DLG2: variants seen among roughly 807,000 people sequenced by gnomAD.
DLG2 encodes the protein discs large MAGUK scaffold protein 2.
In DLG2, 45 loss-of-function variants were observed where a neutral mutation model predicts 132.5. The observed-to-expected ratio is 0.34, with a 90% confidence interval of 0.27 to 0.44. DLG2 has a LOEUF of 0.44. DLG2 is among the 20% of genes least tolerant of loss of function. The pLI is 1.00. For synonymous variants in DLG2, 424 were observed against 419.6 expected (o/e 1.01, Z -0.13); for missense variants, 1,045 against 1,196.9 (o/e 0.87, Z 1.87).
In DLG2 at chr11:85,557,928, T is replaced by G. The variant is rs1297571443; in HGVS notation, c.40+40729A>C. Reference sequence around the variant, plus strand: ...GAATTTATGACTAAGTCCTCAAAAGTAATTGCAGCAAAAACAAAAATAGAC... The same window carrying G: ...GAATTTATGACTAAGTCCTCAAAAGGAATTGCAGCAAAAACAAAAATAGAC... On this transcript the variant is annotated intron_variant, in intron 3 of 27. Transcript: ENST00000376104. 2.0e-5 allele frequency among the ~76,000 whole-genome samples: 3 copies of G among 151,644 alleles called. 1 individual carries two copies. The highest frequency in any genetic ancestry group is 7.3e-5 in the African/African-American group (3 of 41,354).
intron 7 of DLG2, among the ~76,000 whole-genome samples, chr11:84,402,788 A>T (rs1373442021): frequency 2.0e-5 from 3 of 150,568 alleles, no homozygotes; most frequent in Non-Finnish European, 4.4e-5. Context: ...AGGCTGAGGC[A>T]GGAGAATGGC....
chr11:84,169,469 A>C (rs1055384953), intron 8 of DLG2, among the ~76,000 whole-genome samples: 1 of 152,228 alleles, frequency 6.6e-6, no homozygotes, highest in Non-Finnish European at 1.5e-5. Context: ...ATATCCACTA[A>C]AAGGCTTTCC....
chr11:83,615,281 G>A (rs973819071), intron 19 of DLG2, among the ~76,000 whole-genome samples: 1 of 152,194 alleles, frequency 6.6e-6, no homozygotes, highest in African/African-American at 2.4e-5. Flanking sequence ...GCTATGTTGT[G>A]ACAGGCACTT....
intron 6 of DLG2, among the ~76,000 whole-genome samples, chr11:84,715,059 G>T (rs1175843519): frequency 6.6e-6 from 1 of 152,000 alleles, no homozygotes; most frequent in East Asian, 1.9e-4. Flanking sequence ...AGTTACAAAA[G>T]GTCCAAATAC....
Position 83,930,233 on chromosome 11 carries a change from G to C in DLG2, c.1496+95C>G, listed in dbSNP as rs2079887165. 12 of 1,389,764 alleles carry C rather than the reference G, an allele frequency of 8.6e-6. No homozygotes were observed. The South Asian group carries it at 1.6e-4, about 18-fold the overall frequency. The allele number at this position is 1,389,764 out of a possible 1,614,324, so 86.1% of individuals were successfully genotyped here. A position where few individuals can be genotyped will look rare whatever the true frequency, so the allele number is the denominator to read the frequency against. ...CTCTCCACTTTGGGGAAGATGTTTA[G>C]TGCAAGAGAAGTGAGCAGAGGCGGA... On this transcript the variant is annotated intron_variant, in intron 15 of 27. Coordinates refer to ENST00000376104, the MANE Select transcript of DLG2 (RefSeq NM_001142699.3).
At chr11:83,786,940 C>G (rs905213818) in intron 17 of DLG2, 148 bp from the exon 18 acceptor site, 20 of 622,960 alleles carry the variant, frequency 3.2e-5, no homozygotes, top group Non-Finnish European at 5.6e-5. Flanking sequence ...TGTGGACTTT[C>G]ATGATCTTAA....
chr11:85,241,092 C>T (rs2075855449), intron 4 of DLG2, among the ~76,000 whole-genome samples: 1 of 150,520 alleles, frequency 6.6e-6, no homozygotes. Context: ...AGTTTTATAC[C>T]TTTGTATACA....
intron 5 of DLG2, among the ~76,000 whole-genome samples, chr11:85,143,331 T>C (rs1195977519): frequency 6.6e-6 from 1 of 151,862 alleles, no homozygotes; most frequent in East Asian, 1.9e-4. Flanking sequence ...TTCTTTGGCA[T>C]ATAGTTGTTG....
At chr11:84,246,643 A>C (rs538560863) in intron 8 of DLG2, among the ~76,000 whole-genome samples, 1 of 152,200 alleles carries the variant, frequency 6.6e-6, no homozygotes, top group Admixed American at 6.5e-5. Context: ...GGAAAAATAT[A>C]ATCATGTTAG....
chr11:84,559,521 C>G (rs999245492), intron 6 of DLG2, among the ~76,000 whole-genome samples: 3 of 151,994 alleles, frequency 2.0e-5, no homozygotes, highest in Admixed American at 2.0e-4. Flanking sequence ...TTTCAGCAAA[C>G]ATATTATTGA....
intron 6 of DLG2, among the ~76,000 whole-genome samples, chr11:85,029,969 C>A (rs976820834): frequency 6.6e-6 from 1 of 152,102 alleles, no homozygotes; most frequent in South Asian, 2.1e-4. Context: ...AGGCAAAGAG[C>A]GAGCTGTAAC....
intron 3 of DLG2, among the ~76,000 whole-genome samples, chr11:85,494,483 A>T (rs898358550): frequency 6.6e-6 from 1 of 152,188 alleles, no homozygotes; most frequent in Non-Finnish European, 1.5e-5. Context: ...AAAAAAGCAT[A>T]CACAAACAAG....
intron 4 of DLG2, among the ~76,000 whole-genome samples, chr11:85,258,094 C>T (rs1453984606): frequency 6.6e-6 from 1 of 152,168 alleles, no homozygotes; most frequent in Admixed American, 6.5e-5. Context: ...TCCTTTTAAG[C>T]AATGTGCCTC....
At chr11:85,362,388 T>C (rs909146297) in intron 3 of DLG2, among the ~76,000 whole-genome samples, 1 of 152,200 alleles carries the variant, frequency 6.6e-6, no homozygotes, top group East Asian at 1.9e-4. Context: ...GTTAATGAGA[T>C]TGCCTTCTTG....
At chr11:85,431,204 G>A (rs1597290570) in intron 3 of DLG2, among the ~76,000 whole-genome samples, 1 of 152,162 alleles carries the variant, frequency 6.6e-6, no homozygotes, top group Non-Finnish European at 1.5e-5. Context: ...TGCACCAGCA[G>A]CTGAGGTATC....
At chr11:84,570,936 A>C (rs1055101854) in intron 6 of DLG2, among the ~76,000 whole-genome samples, 4 of 152,170 alleles carry the variant, frequency 2.6e-5, no homozygotes, top group African/African-American at 9.7e-5. Context: ...GGCCTAGGAA[A>C]GGGGGTTGGA....
chr11:84,415,840 G>A (rs1276119363), intron 7 of DLG2, among the ~76,000 whole-genome samples: 4 of 152,132 alleles, frequency 2.6e-5, no homozygotes, highest in Non-Finnish European at 5.9e-5. Context: ...ACTGATAATA[G>A]TACCTACTTC....
chr11:85,241,198 T>A (rs1372018057), intron 4 of DLG2, among the ~76,000 whole-genome samples: 2 of 151,806 alleles, frequency 1.3e-5, no homozygotes, highest in Non-Finnish European at 2.9e-5. Flanking sequence ...CAGTTATTTG[T>A]TAGTAATGTT....
chr11:83,753,857 T>TG (rs1191096672), intron 18 of DLG2, among the ~76,000 whole-genome samples: 3 of 6,572 alleles, frequency 4.6e-4, no homozygotes, highest in African/African-American at 3.1e-3. Flanking sequence ...ATATATCATA[T>TG]ATATATTTCA....
Sources: allele counts gnomAD v4.1 joint callset (sites outside exome capture counted in the v4.1 genomes callset), GRCh38; gene constraint gnomAD v4.1.1; transcripts MANE v1.5; gene names NCBI Gene and HGNC (gene_info 2026-07-23, HGNC 2026-07-21).